Variants in DMD observed in about 807,000 individuals in gnomAD.
DMD encodes the protein mutant dystrophin.
Under a neutral mutation model 330.1 loss-of-function variants are expected in DMD, and 63 were observed. That is an observed-to-expected ratio of 0.19 (90% CI 0.16 to 0.24). The LOEUF (loss-of-function observed/expected upper bound fraction) is 0.24. Ranked by LOEUF, DMD falls within the 10% of genes least tolerant of loss-of-function variation. The pLI is 1.00. For missense variants in DMD, 3,344 were observed against 2,684.1 expected (o/e 1.25, Z -5.43); for synonymous variants, 1,223 against 959.8 (o/e 1.27, Z -5.07).
At chrX:31,225,290 G>A (rs930176110) in intron 63 of DMD, among the ~76,000 whole-genome samples, 4 of 112,328 alleles carry the variant, frequency 3.6e-5, no homozygotes, top group African/African-American at 9.7e-5. Flanking sequence ...TAATCAAAAA[G>A]CCTCATGCCA....
At position 32,898,758 on chromosome X, in the gene DMD, G is replaced by T. The variant is rs6631667; in HGVS notation, c.94-48938C>A. On this transcript the variant is annotated intron_variant, in intron 2 of 78. Transcript: ENST00000357033. ...GGATCACTTTTGTTGCCATCTGCTGGTTTCTGCTGTTTTTCTCACTTCCGT... is the reference window on the plus strand; with the variant it reads ...GGATCACTTTTGTTGCCATCTGCTGTTTTCTGCTGTTTTTCTCACTTCCGT... 4.6e-3 allele frequency among the ~76,000 whole-genome samples: 517 copies of T among 111,310 alleles called. 12 individuals carry two copies. In the East Asian group the frequency reaches 0.099, roughly 21 times the overall value.
chrX:33,010,193 T>G (rs1251061040), intron 2 of DMD, among the ~76,000 whole-genome samples: 12 of 106,916 alleles, frequency 1.1e-4, no homozygotes, highest in African/African-American at 3.8e-4. Flanking sequence ...TGTGTATGTA[T>G]ATATGCATAT....
chrX:31,834,163 C>T (rs1374148060), intron 49 of DMD, among the ~76,000 whole-genome samples: 1 of 111,454 alleles, frequency 9.0e-6, no homozygotes, highest in Non-Finnish European at 1.9e-5. Flanking sequence ...AATGGAGTGT[C>T]CTTCAGAAAA....
chrX:32,662,243 T>A (rs2060994739), intron 9 of DMD, among the ~76,000 whole-genome samples: 1 of 111,370 alleles, frequency 9.0e-6, no homozygotes, highest in Non-Finnish European at 1.9e-5. Flanking sequence ...TATTGCCACG[T>A]CCATAAATTA....
chrX:32,592,659 A>G (rs1399827314), intron 13 of DMD, among the ~76,000 whole-genome samples: 2 of 112,263 alleles, frequency 1.8e-5, no homozygotes, highest in African/African-American at 6.5e-5. Flanking sequence ...CAGGACAAAA[A>G]GAGCTGTAAC....
At chrX:33,070,186 A>G (rs1043006613) in intron 1 of DMD, among the ~76,000 whole-genome samples, 6 of 112,131 alleles carry the variant, frequency 5.4e-5, no homozygotes, top group Non-Finnish European at 9.4e-5. Flanking sequence ...ATGATTATTC[A>G]CTTACAGAGT....
chrX:32,855,594 G>A (rs1040079102), intron 2 of DMD, among the ~76,000 whole-genome samples: 3 of 111,766 alleles, frequency 2.7e-5, no homozygotes, highest in African/African-American at 9.8e-5. Flanking sequence ...ATGGTGCTGA[G>A]AAAACTGGAT....
At chrX:31,138,659 GA>G (rs2035590898) in intron 76 of DMD, among the ~76,000 whole-genome samples, 19 of 95,380 alleles carry the variant, frequency 2.0e-4, no homozygotes, top group Admixed American at 4.7e-4. Flanking sequence ...GAGAGAGAGA[GA>G]GAGAGAGAGA....
intron 44 of DMD, among the ~76,000 whole-genome samples, chrX:32,119,123 C>T (rs965906119): frequency 1.8e-5 from 2 of 110,189 alleles, no homozygotes; most frequent in East Asian, 2.9e-4. Context: ...TGAGGTCAGG[C>T]GTTTGAGATC....
At chrX:33,050,692 C>T (rs927968806) in intron 1 of DMD, among the ~76,000 whole-genome samples, 1 of 111,381 alleles carries the variant, frequency 9.0e-6, no homozygotes, top group Non-Finnish European at 1.9e-5. Flanking sequence ...CAGCCCATAG[C>T]CCATGACAAA....
rs186584671 is a variant in DMD at position 33,159,820 on chromosome X, C to A, written c.31+51462G>T. On this transcript the variant is annotated intron_variant, in intron 1 of 78. Coordinates refer to ENST00000357033, the MANE Select transcript of DMD (RefSeq NM_004006.3). ...ACACCCAGTAATGGGATTGCTGGGT[C>A]AAATGGTATTTCTGGTTCTAGATCC... Among the ~76,000 whole-genome samples, 68 of 111,572 alleles carry A rather than the reference C, an allele frequency of 6.1e-4. 1 individual carries two copies. The highest frequency in any genetic ancestry group is 2.0e-3 in the African/African-American group (62 of 30,711).
chrX:31,989,581 G>T (rs2150307877), intron 44 of DMD, among the ~76,000 whole-genome samples: 1 of 110,685 alleles, frequency 9.0e-6, no homozygotes, highest in African/African-American at 3.3e-5. Flanking sequence ...AGAAAAAATT[G>T]TCTTTGTGCT....
rs191321132 is a variant in DMD, at chrX:32,381,661, A to C, written c.4675-981T>G. Among the ~76,000 whole-genome samples, 3 of 112,014 alleles carry C rather than the reference A, an allele frequency of 2.7e-5. No homozygotes were observed. The Admixed American group carries it at 2.9e-4, about 11-fold the overall frequency. On this transcript the variant is annotated intron_variant, in intron 33 of 78. Transcript: ENST00000357033. ...ACTAAATATGCTTTATGTATTGAAT[A>C]AAGGAATGAATGAAGACTTGCAAAT...
At chrX:32,541,813 G>GA (rs34215981) in intron 17 of DMD, among the ~76,000 whole-genome samples, 108 of 104,650 alleles carry the variant, frequency 1.0e-3, no homozygotes, top group Middle Eastern at 4.8e-3. Flanking sequence ...TAAAAGTTGG[G>GA]AAAAAAAAAA....
intron 44 of DMD, among the ~76,000 whole-genome samples, chrX:32,087,415 T>C (rs1357800632): frequency 9.0e-6 from 1 of 111,674 alleles, no homozygotes; most frequent in Non-Finnish European, 1.9e-5. Flanking sequence ...TAATTCAAGA[T>C]CTTTGAGTAT....
chrX:32,916,956 A>C, intron 2 of DMD, among the ~76,000 whole-genome samples: 1 of 112,005 alleles, frequency 8.9e-6, no homozygotes, highest in Non-Finnish European at 1.9e-5. Context: ...TCATTTATAC[A>C]GTATATACAT....
In DMD at chrX:32,595,744, A is replaced by T. The variant is rs772364333; in HGVS notation, c.1602+13T>A. ...AAAGGACATATTTAGTTTACTAAGC[A>T]AAATAATCTGACCTTAAGTTGTTCT... On this transcript the variant is annotated intron_variant, in intron 13 of 78. Transcript: ENST00000357033. The T allele has an allele frequency of 2.4e-5, 29 of 1,207,924 alleles. No homozygotes were observed. The highest frequency in any genetic ancestry group is 3.5e-5 in the South Asian group (2 of 56,702).
At chrX:32,940,436 A>G (rs1030288869) in intron 2 of DMD, among the ~76,000 whole-genome samples, 1 of 111,677 alleles carries the variant, frequency 9.0e-6, no homozygotes, top group African/African-American at 3.3e-5. Flanking sequence ...AACAAAAACA[A>G]AAACAGCATG....
intron 7 of DMD, among the ~76,000 whole-genome samples, chrX:32,797,793 T>A (rs1349085829): frequency 9.0e-6 from 1 of 110,625 alleles, no homozygotes; most frequent in Admixed American, 9.6e-5. Flanking sequence ...AAGGATATTG[T>A]TATTTCACCT....
Sources: allele counts gnomAD v4.1 joint callset (sites outside exome capture counted in the v4.1 genomes callset), GRCh38; gene constraint gnomAD v4.1.1; transcripts MANE v1.5; gene names NCBI Gene and HGNC (gene_info 2026-07-23, HGNC 2026-07-21).